The following GPC5 variants were observed in gnomAD, a reference collection of about 807,000 sequenced individuals.
GPC5 encodes the protein glypican-5.
A neutral mutation model predicts 53.9 loss-of-function variants in GPC5; 47 were observed. The observed-to-expected ratio is 0.87, with a 90% CI of 0.69 to 1.11. The LOEUF (loss-of-function observed/expected upper bound fraction) is 1.11, where lower values mean the gene tolerates loss of function less well. Among genes scored for constraint, GPC5 ranks in the 50% most tolerant of loss-of-function variants. The pLI, the probability that GPC5 is intolerant of heterozygous loss-of-function variation, is 0.00. For synonymous variants in GPC5, 286 were observed against 263.3 expected (o/e 1.09, Z -0.84); for missense variants, 748 against 713.1 (o/e 1.05, Z -0.56).
intron 7 of GPC5, among the ~76,000 whole-genome samples, chr13:92,297,824 G>A (rs2043047912): frequency 6.6e-6 from 1 of 151,948 alleles, no homozygotes; most frequent in Non-Finnish European, 1.5e-5. Context: ...TTGTTCTTTT[G>A]CTCTTGCTAC....
At chr13:92,525,255 A>T (rs973143785) in intron 7 of GPC5, among the ~76,000 whole-genome samples, 1 of 151,928 alleles carries the variant, frequency 6.6e-6, no homozygotes, top group Non-Finnish European at 1.5e-5. Context: ...GTTTAATGGA[A>T]TCTACACAGT....
chr13:92,031,836 ATATATTACATATTATATATAATATATAT>A (rs2040851840), intron 6 of GPC5, among the ~76,000 whole-genome samples: 2 of 73,476 alleles, frequency 2.7e-5, no homozygotes, highest in African/African-American at 1.1e-4. Flanking sequence ...ATAATATATA[ATATATTACATATTATATATAATATATAT>A]ATTATATATA....
intron 6 of GPC5, among the ~76,000 whole-genome samples, chr13:91,975,044 T>A (rs1039370307): frequency 8.5e-5 from 13 of 152,194 alleles, no homozygotes; most frequent in Non-Finnish European, 1.5e-4. Context: ...TAATAAATGG[T>A]GCTGGGAAAA....
At position 92,438,696 on chromosome 13, in the gene GPC5, A is replaced by AC. The variant is rs763085821; in HGVS notation, c.1561+293708dup. Among the ~76,000 whole-genome samples, 23 of 152,078 alleles carry AC rather than the reference A, an allele frequency of 1.5e-4. 1 individual carries two copies. The highest frequency in any genetic ancestry group is 3.3e-4 in the Admixed American group (5 of 15,242). ...CAAATTGTCAATAACTGTTACTGGGACAATGGTCGTGGCATAAAGGATGTC... is the reference window on the plus strand; with the variant it reads ...CAAATTGTCAATAACTGTTACTGGGACCAATGGTCGTGGCATAAAGGATGTC... On this transcript the variant is annotated intron_variant, in intron 7 of 7. Transcript: ENST00000377067.
intron 7 of GPC5, among the ~76,000 whole-genome samples, chr13:92,386,889 G>A (rs1206437515): frequency 1.3e-5 from 2 of 151,948 alleles, no homozygotes; most frequent in Non-Finnish European, 2.9e-5. Context: ...AGGTTATTAG[G>A]CAGTGCATTG....
At chr13:92,301,202 C>T (rs1330130713) in intron 7 of GPC5, among the ~76,000 whole-genome samples, 3 of 152,062 alleles carry the variant, frequency 2.0e-5, no homozygotes, top group Non-Finnish European at 4.4e-5. Context: ...GGTATTTATT[C>T]CTAACTTATA....
At chr13:91,796,953 G>A (rs1199871816) in intron 5 of GPC5, among the ~76,000 whole-genome samples, 2 of 151,884 alleles carry the variant, frequency 1.3e-5, no homozygotes, top group African/African-American at 4.8e-5. Flanking sequence ...ACCTGTGCTT[G>A]GTAAGTTTCA....
intron 2 of GPC5, among the ~76,000 whole-genome samples, chr13:91,583,002 AAAAT>A (rs201274533): frequency 1.3e-5 from 2 of 152,094 alleles, no homozygotes; most frequent in Middle Eastern, 6.8e-3. Context: ...CTCCACCTCA[AAAAT>A]AAATAAATAA....
At chr13:92,021,929 A>T (rs1009034312) in intron 6 of GPC5, among the ~76,000 whole-genome samples, 1 of 152,154 alleles carries the variant, frequency 6.6e-6, no homozygotes, top group Non-Finnish European at 1.5e-5. Flanking sequence ...AAGCACACGC[A>T]ATTTTGCTAT....
At chr13:91,513,964 G>A (rs1396941943) in intron 2 of GPC5, among the ~76,000 whole-genome samples, 1 of 152,132 alleles carries the variant, frequency 6.6e-6, no homozygotes, top group Admixed American at 6.6e-5. Flanking sequence ...TATTCAAGTT[G>A]CATGTATTGA....
intron 7 of GPC5, among the ~76,000 whole-genome samples, chr13:92,188,373 CAATT>C (rs769647201): frequency 5.3e-4 from 80 of 152,084 alleles, no homozygotes; most frequent in Non-Finnish European, 9.1e-4. Context: ...CACAAGCACT[CAATT>C]AATTAATTGT....
intron 7 of GPC5, among the ~76,000 whole-genome samples, chr13:92,573,682 A>C (rs1883103952): frequency 6.6e-6 from 1 of 152,178 alleles, no homozygotes; most frequent in African/African-American, 2.4e-5. Flanking sequence ...CTTGGTCAAC[A>C]GAGCATGTGT....
intron 7 of GPC5, among the ~76,000 whole-genome samples, chr13:92,732,008 C>A (rs960447822): frequency 6.6e-6 from 1 of 151,078 alleles, no homozygotes; most frequent in Non-Finnish European, 1.5e-5. Flanking sequence ...AGAATCTGTT[C>A]TTTATGTCTG....
chr13:91,996,995 T>C (rs755014846), intron 6 of GPC5, among the ~76,000 whole-genome samples: 19 of 152,046 alleles, frequency 1.2e-4, no homozygotes, highest in African/African-American at 4.1e-4. Flanking sequence ...TTAATTATAA[T>C]ATATCCCATC....
chr13:91,859,641 T>C (rs61967104), intron 5 of GPC5, among the ~76,000 whole-genome samples: 28,660 of 151,786 alleles, frequency 0.19, 3,005 homozygotes, highest in East Asian at 0.31. Flanking sequence ...TTTTAATCAG[T>C]CCTTCTTTCT....
chr13:91,607,632 T>G (rs536787709), intron 2 of GPC5, among the ~76,000 whole-genome samples: 2 of 152,222 alleles, frequency 1.3e-5, no homozygotes, highest in African/African-American at 4.8e-5. Flanking sequence ...GAAAGCAGCA[T>G]AATTACATAA....
chr13:91,825,674 A>G (rs1324202876), intron 5 of GPC5, among the ~76,000 whole-genome samples: 1 of 152,112 alleles, frequency 6.6e-6, no homozygotes, highest in Non-Finnish European at 1.5e-5. Context: ...ATTTGTGTTC[A>G]TGTGGCTTTT....
intron 6 of GPC5, among the ~76,000 whole-genome samples, chr13:91,924,950 G>A (rs2039752718): frequency 6.6e-6 from 1 of 151,604 alleles, no homozygotes; most frequent in Admixed American, 6.6e-5. Flanking sequence ...CTCCCTAGTA[G>A]CTGGGAGTAC....
intron 7 of GPC5, among the ~76,000 whole-genome samples, chr13:92,173,178 CA>C (rs1442807911): frequency 6.6e-6 from 1 of 151,820 alleles, no homozygotes; most frequent in Non-Finnish European, 1.5e-5. Context: ...CCATTTGACT[CA>C]GTCATTAATG....
Sources: gnomAD v4.1 joint callset for allele counts (sites outside exome capture counted in the v4.1 genomes callset) on GRCh38, gnomAD v4.1.1 for gene constraint, MANE v1.5 for transcripts, NCBI Gene and HGNC (gene_info 2026-07-23, HGNC 2026-07-21) for gene names.